The following SPON1 variants were observed in gnomAD, a reference collection of about 807,000 sequenced individuals.
SPON1 encodes spondin 1, also known as spondin-1.
In SPON1, 52 loss-of-function variants were observed where a neutral mutation model predicts 111.7. The ratio of observed to expected loss-of-function variants is 0.47; its 90% CI spans 0.37 to 0.59. The LOEUF is 0.59. Ranked by LOEUF, SPON1 falls within the 20% of genes least tolerant of loss-of-function variation. The pLI, the probability that SPON1 is intolerant of heterozygous loss-of-function variation, is 0.00. For missense variants in SPON1, 957 were observed against 1,068.5 expected (o/e 0.90, Z 1.46); for synonymous variants, 410 against 395.8 (o/e 1.04, Z -0.43).
At chr11:14,185,457 A>G (rs1475091348) in intron 6 of SPON1, among the ~76,000 whole-genome samples, 2 of 152,206 alleles carry the variant, frequency 1.3e-5, no homozygotes, top group African/African-American at 4.8e-5. Flanking sequence ...TAACTCATCT[A>G]TAGAATCTTG....
intron 4 of SPON1, among the ~76,000 whole-genome samples, chr11:14,076,627 G>T (rs1279595161): frequency 6.6e-6 from 1 of 152,196 alleles, no homozygotes; most frequent in Non-Finnish European, 1.5e-5. Flanking sequence ...AGGAGCCAAT[G>T]CCCTTAACCA....
rs1047986434 is a variant in SPON1 at position 14,227,199 on chromosome 11, A to T, written c.826-16133A>T. On this transcript the variant is annotated intron_variant, in intron 6 of 15. Transcript: ENST00000576479. ...TTATTATTTAGTTATTTTTGTAGAG[A>T]CGCAGTGTCACTATGTTGCCCAGGC... Among the ~76,000 whole-genome samples the T allele has an allele frequency of 2.0e-5, 3 of 152,046 alleles. 1 individual carries two copies. The East Asian group carries it at 5.8e-4, about 29-fold the overall frequency.
intron 1 of SPON1, among the ~76,000 whole-genome samples, chr11:13,969,609 ATATT>A (rs1356925842): frequency 6.6e-6 from 1 of 152,210 alleles, no homozygotes; most frequent in Non-Finnish European, 1.5e-5. Context: ...ATGAAAGAAA[ATATT>A]TGAGTATGGC....
At chr11:14,132,121 AC>A (rs1847535841) in intron 5 of SPON1, among the ~76,000 whole-genome samples, 2 of 152,132 alleles carry the variant, frequency 1.3e-5, no homozygotes, top group South Asian at 4.1e-4. Context: ...TACTAACAAT[AC>A]AAAAAATTAG....
intron 6 of SPON1, among the ~76,000 whole-genome samples, chr11:14,179,141 G>T (rs1591401485): frequency 6.6e-6 from 1 of 152,140 alleles, no homozygotes; most frequent in African/African-American, 2.4e-5. Context: ...GCTCTGTATT[G>T]GGAAATATTG....
At chr11:14,225,443 T>C (rs1848727434) in intron 6 of SPON1, among the ~76,000 whole-genome samples, 2 of 152,112 alleles carry the variant, frequency 1.3e-5, no homozygotes, top group African/African-American at 4.8e-5. Context: ...AGGAAATGCT[T>C]GATTGAATTA....
chr11:14,035,146 G>A (rs1247234648), intron 2 of SPON1, among the ~76,000 whole-genome samples: 1 of 152,136 alleles, frequency 6.6e-6, no homozygotes, highest in African/African-American at 2.4e-5. Flanking sequence ...GTTGTGGGTT[G>A]GTCCAGTGTA....
At chr11:14,008,241 T>A (rs1377588980) in intron 2 of SPON1, among the ~76,000 whole-genome samples, 10 of 151,934 alleles carry the variant, frequency 6.6e-5, no homozygotes, top group Admixed American at 6.5e-4. Flanking sequence ...ACAGAAGGAG[T>A]ATATGGGAGG....
intron 2 of SPON1, among the ~76,000 whole-genome samples, chr11:14,039,849 C>G (rs1287839333): frequency 1.3e-5 from 2 of 152,038 alleles, no homozygotes; most frequent in Non-Finnish European, 2.9e-5. Flanking sequence ...GAAAATCCCC[C>G]AAAACAGCAA....
intron 1 of SPON1, among the ~76,000 whole-genome samples, chr11:13,977,127 C>G (rs1294294926): frequency 1.3e-5 from 2 of 152,160 alleles, no homozygotes; most frequent in African/African-American, 2.4e-5. Flanking sequence ...AGTATTTCCA[C>G]TTGGATGCTA....
chr11:14,050,516 G>GT (rs1375196701), intron 3 of SPON1, among the ~76,000 whole-genome samples: 1 of 152,164 alleles, frequency 6.6e-6, no homozygotes, highest in Non-Finnish European at 1.5e-5. Flanking sequence ...TATAGAAAAA[G>GT]TTTACTGACT....
At chr11:14,031,749 A>T (rs182344471) in intron 2 of SPON1, among the ~76,000 whole-genome samples, 2,969 of 152,152 alleles carry the variant, frequency 0.02, 93 homozygotes, top group African/African-American at 0.067. Context: ...TCTGAATTTT[A>T]AAAAATCTAT....
At chr11:14,035,435 A>G (rs1848587225) in intron 2 of SPON1, among the ~76,000 whole-genome samples, 1 of 152,150 alleles carries the variant, frequency 6.6e-6, no homozygotes, top group Admixed American at 6.6e-5. Context: ...ATCAAGAGAA[A>G]GTGCTGAAAA....
At chr11:14,168,498 T>C (rs1342819625) in intron 6 of SPON1, among the ~76,000 whole-genome samples, 1 of 152,194 alleles carries the variant, frequency 6.6e-6, no homozygotes, top group Non-Finnish European at 1.5e-5. Context: ...AATTTTTCTT[T>C]TTTTTTCTTT....
At chr11:14,088,164 C>G (rs1480077148) in intron 5 of SPON1, among the ~76,000 whole-genome samples, 2 of 152,130 alleles carry the variant, frequency 1.3e-5, no homozygotes, top group Non-Finnish European at 2.9e-5. Flanking sequence ...TGAGTTTGAT[C>G]CTGTCATTAT....
chr11:13,965,234 A>G (rs1408405467), intron 1 of SPON1, among the ~76,000 whole-genome samples: 1 of 152,174 alleles, frequency 6.6e-6, no homozygotes, highest in Non-Finnish European at 1.5e-5. Flanking sequence ...TTGGGTCCTC[A>G]TGAATTAATT....
intron 2 of SPON1, among the ~76,000 whole-genome samples, chr11:14,034,755 C>T (rs1356422479): frequency 1.3e-5 from 2 of 152,182 alleles, no homozygotes; most frequent in African/African-American, 4.8e-5. Flanking sequence ...CTCTGAGCTC[C>T]AGTTCCTCAT....
chr11:13,997,920 G>T (rs900681189), intron 2 of SPON1, among the ~76,000 whole-genome samples: 4 of 152,014 alleles, frequency 2.6e-5, no homozygotes, highest in African/African-American at 9.7e-5. Flanking sequence ...AGGTATGAAT[G>T]GATAGCGGAA....
At chr11:14,212,844 A>C (rs1848589752) in intron 6 of SPON1, among the ~76,000 whole-genome samples, 1 of 152,164 alleles carries the variant, frequency 6.6e-6, no homozygotes, top group Non-Finnish European at 1.5e-5. Flanking sequence ...AAGAGTACCA[A>C]CTCTGATAAT....
Sources: allele counts gnomAD v4.1 joint callset (sites outside exome capture counted in the v4.1 genomes callset), GRCh38; gene constraint gnomAD v4.1.1; transcripts MANE v1.5; gene names NCBI Gene and HGNC (gene_info 2026-07-23, HGNC 2026-07-21).